Variants in ANKRD13C observed in about 807,000 individuals in gnomAD.
ANKRD13C encodes ankyrin repeat domain 13C.
Under a neutral mutation model 65.5 loss-of-function variants are expected in ANKRD13C, and 16 were observed. That is an observed-to-expected ratio of 0.24 (90% CI 0.17 to 0.37). The LOEUF (loss-of-function observed/expected upper bound fraction) is 0.37, where lower values mean the gene tolerates loss of function less well. Ranked by LOEUF, ANKRD13C falls within the 10% of genes least tolerant of loss-of-function variation. The pLI, the probability that ANKRD13C is intolerant of heterozygous loss-of-function variation, is 1.00. For synonymous variants in ANKRD13C, 235 were observed against 238.7 expected (o/e 0.98, Z 0.14); for missense variants, 503 against 655.9 (o/e 0.77, Z 2.55).
At chr1:70,328,002 T>C (rs1681617006) in intron 2 of ANKRD13C, among the ~76,000 whole-genome samples, 2 of 151,926 alleles carry the variant, frequency 1.3e-5, no homozygotes, top group South Asian at 4.2e-4. Flanking sequence ...AAGGCGGAGG[T>C]TGCAGTGAGC....
intron 12 of ANKRD13C, among the ~76,000 whole-genome samples, chr1:70,265,322 G>A (rs537751241): frequency 6.6e-6 from 1 of 152,282 alleles, no homozygotes; most frequent in East Asian, 1.9e-4. Flanking sequence ...AAAATGCAAT[G>A]ACTTGTCTCA....
chr1:70,325,329 C>A (rs1405303115), intron 2 of ANKRD13C, among the ~76,000 whole-genome samples: 1 of 152,130 alleles, frequency 6.6e-6, no homozygotes, highest in Non-Finnish European at 1.5e-5. Flanking sequence ...AAAAGAGGAT[C>A]TGTGTGTCCA....
Position 70,292,440 on chromosome 1 carries a change from G to A in ANKRD13C, c.1163C>T (p.Ala388Val). ...LSEEDILRNK[A>V]IMESLSKGGN... is the part of the protein sequence containing the mutation. ...ACCTTTACTCAAACTCTCCATGATGGCCTTATTTCGAAGAATATCCTCTTC... is the reference window on the plus strand; with the variant it reads ...ACCTTTACTCAAACTCTCCATGATGACCTTATTTCGAAGAATATCCTCTTC... The change falls in exon 9 of 13, where the codon GCC becomes GTC. Residue 388 changes from alanine (A) to valine (V), a missense_variant. Around this residue, in one of 2 missense-constraint regions of ANKRD13C, gnomAD observed 300 missense variants for 478.3 expected, o/e 0.63. Transcript: ENST00000370944. The A allele has an allele frequency of 6.2e-7, 1 of 1,606,468 alleles. No homozygotes were observed. Among genetic ancestry groups the A allele is most frequent in the Non-Finnish European group, 8.5e-7 (1 of 1,177,626 alleles).
chr1:70,291,766 C>A (rs1679877300), intron 9 of ANKRD13C, among the ~76,000 whole-genome samples: 1 of 151,980 alleles, frequency 6.6e-6, no homozygotes, highest in Admixed American at 6.6e-5. Context: ...AAGATCTTGC[C>A]ACTGCACTCC....
chr1:70,262,540 G>A lies in ANKRD13C; in HGVS notation c.*177C>T. ...TAAAAAGACAAAAAATGGCACATCA[G>A]AAAACTCGCTGAAATTCTTATTAGA... On this transcript the variant is annotated 3_prime_UTR_variant, in exon 13 of 13. Transcript: ENST00000370944. The A allele has an allele frequency of 3.5e-6, 2 of 574,280 alleles. No homozygotes were observed. The highest frequency in any genetic ancestry group is 5.5e-6 in the Non-Finnish European group (2 of 363,150). The allele number at this position is 574,280 out of a possible 1,614,324, so 35.6% of individuals were successfully genotyped here.
chr1:70,344,441 A>G (rs1682443423), intron 1 of ANKRD13C, among the ~76,000 whole-genome samples: 1 of 151,358 alleles, frequency 6.6e-6, no homozygotes, highest in African/African-American at 2.4e-5. Context: ...TCCAGCCAGG[A>G]TGACAAAGCG....
chr1:70,283,370 A>G (rs901047477), intron 9 of ANKRD13C, among the ~76,000 whole-genome samples: 2 of 152,184 alleles, frequency 1.3e-5, no homozygotes, highest in Admixed American at 6.6e-5. Context: ...ATTAAATGTA[A>G]AACTTCTGAT....
chr1:70,330,063 T>G (rs1309193844), intron 2 of ANKRD13C, among the ~76,000 whole-genome samples: 2 of 144,832 alleles, frequency 1.4e-5, no homozygotes, highest in African/African-American at 5.2e-5. Context: ...CACTCCAGCC[T>G]GGGTGGCAGG....
chr1:70,313,754 GA>G lies in ANKRD13C; in HGVS notation c.699del (p.Gln234LysfsTer32). On this transcript the variant is annotated frameshift_variant, in exon 5 of 13. Transcript: ENST00000370944. LOFTEE classifies it high-confidence loss of function. ...CATAGCATACTCTTACCCCAGCTTT[GA>G]AAATCCCAGTGAAGTTCTAGATAAA... is the stretch of plus-strand genomic sequence containing the variant. ...GDFYLELHWD[F>X]QSWVPLLSRI... The G allele has an allele frequency of 6.2e-7, 1 of 1,608,382 alleles. No individual in the cohort carries two copies. Among genetic ancestry groups the G allele is most frequent in the Non-Finnish European group, 8.5e-7 (1 of 1,175,614 alleles).
intron 11 of ANKRD13C, among the ~76,000 whole-genome samples, chr1:70,274,473 C>CAAAAAAAAAAAAAA (rs769480539): frequency 2.6e-5 from 1 of 38,664 alleles, no homozygotes; most frequent in Non-Finnish European, 5.6e-5. Context: ...GACTCCATCT[C>CAAAAAAAAAAAAAA]AAAAAAAAAA....
intron 9 of ANKRD13C, among the ~76,000 whole-genome samples, chr1:70,282,708 T>G (rs1264370748): frequency 2.6e-5 from 4 of 152,206 alleles, no homozygotes; most frequent in African/African-American, 7.2e-5. Flanking sequence ...GGTAAAATAG[T>G]ATCTAGTGAT....
intron 1 of ANKRD13C, among the ~76,000 whole-genome samples, chr1:70,352,187 A>G (rs528167064): frequency 6.6e-6 from 1 of 151,880 alleles, no homozygotes; most frequent in Admixed American, 6.6e-5. Context: ...AAATTACAAA[A>G]AAATTAGCCT....
intron 10 of ANKRD13C, among the ~76,000 whole-genome samples, chr1:70,275,961 CAA>C (rs1209279880): frequency 2.7e-5 from 1 of 37,248 alleles, no homozygotes; most frequent in African/African-American, 8.2e-5. Context: ...GACTCCATCT[CAA>C]AAAAAAAAAA....
Position 70,348,287 on chromosome 1 carries a change from T to A in ANKRD13C, c.430+5692A>T, listed in dbSNP as rs566976036. On this transcript the variant is annotated intron_variant, in intron 1 of 12. Transcript: ENST00000370944. Reference sequence around the variant, plus strand: ...CTTCTCAATCCTCAAATGCACATTTTTTTTTTTTGAGATGGAATTTAGCTC... The same window carrying A: ...CTTCTCAATCCTCAAATGCACATTTATTTTTTTTGAGATGGAATTTAGCTC... Among the ~76,000 whole-genome samples, 6 of 152,228 alleles carry A rather than the reference T, an allele frequency of 3.9e-5. No homozygotes were observed. In the South Asian group the frequency reaches 1.2e-3, roughly 32 times the overall value.
intron 1 of ANKRD13C, among the ~76,000 whole-genome samples, chr1:70,344,460 TC>T (rs1682445273): frequency 3.5e-5 from 5 of 142,626 alleles, no homozygotes; most frequent in African/African-American, 8.2e-5. Flanking sequence ...CGAGACCCTA[TC>T]TCAAAAAAAA....
chr1:70,309,407 A>T (rs1282061895), intron 5 of ANKRD13C, among the ~76,000 whole-genome samples: 1 of 149,318 alleles, frequency 6.7e-6, no homozygotes, highest in East Asian at 2.1e-4. Flanking sequence ...TTTAAGCTTA[A>T]TGTTTTCTAT....
chr1:70,261,789 T>G lies in ANKRD13C; in HGVS notation c.*928A>C, dbSNP rs560914668. The G allele has an allele frequency of 6.5e-6, 1 of 152,680 alleles. No individual in the cohort carries two copies. The highest frequency in any genetic ancestry group is 1.9e-4 in the East Asian group (1 of 5,190). 9.5% of individuals were successfully genotyped at this position (152,680 alleles called of 1,614,324 possible). A position where few individuals can be genotyped will look rare whatever the true frequency, so the allele number is the denominator to read the frequency against. The stretch of plus-strand genomic sequence containing the variant: ...TAAAACTGACACCAATGCATCCATA[T>G]TCTACTAAAAACAAACAAAATAATC... On this transcript the variant is annotated 3_prime_UTR_variant, in exon 13 of 13. Coordinates refer to ENST00000370944, the MANE Select transcript of ANKRD13C (RefSeq NM_030816.5).
chr1:70,326,843 G>T (rs1681565673), intron 2 of ANKRD13C, among the ~76,000 whole-genome samples: 1 of 150,228 alleles, frequency 6.7e-6, no homozygotes, highest in Non-Finnish European at 1.5e-5. Flanking sequence ...GCATCAAAAA[G>T]AATAATGGCT....
chr1:70,281,027 A>G (rs1162997390), intron 9 of ANKRD13C, among the ~76,000 whole-genome samples: 1 of 152,082 alleles, frequency 6.6e-6, no homozygotes, highest in Non-Finnish European at 1.5e-5. Context: ...GCTGGGGTAA[A>G]TAAGGAGATA....
Sources: gnomAD v4.1 joint callset for allele counts (sites outside exome capture counted in the v4.1 genomes callset) on GRCh38, gnomAD v4.1.1 for gene constraint, gnomAD v4.1.1 regional missense constraint, MANE v1.5 for transcripts, NCBI Gene and HGNC (gene_info 2026-07-23, HGNC 2026-07-21) for gene names.